The following LCOR variants were observed in gnomAD, a reference collection of about 807,000 sequenced individuals.
LCOR encodes ligand-dependent corepressor.
Under a neutral mutation model 64.4 loss-of-function variants are expected in LCOR, and 14 were observed. That is an observed-to-expected ratio of 0.22 (90% CI 0.14 to 0.34). The LOEUF (loss-of-function observed/expected upper bound fraction) is 0.34. Among genes scored for constraint, LCOR ranks in the 10% least tolerant of loss-of-function variants. The probability of loss-of-function intolerance (pLI) is 1.00; values close to 1 mark genes in which losing one functional copy is unlikely to be tolerated. For missense variants in LCOR, 1,686 were observed against 1,765.3 expected (o/e 0.96, Z 0.80); for synonymous variants, 643 against 642.5 (o/e 1.00, Z -0.01).
chr10:96,972,709 C>G (rs1564643720), intron 7 of LCOR, among the ~76,000 whole-genome samples: 1 of 152,300 alleles, frequency 6.6e-6, no homozygotes, highest in East Asian at 1.9e-4. Flanking sequence ...GAGATCTACT[C>G]TGTCCCTTAT....
At chr10:96,852,425 A>G (rs1162754426) in intron 2 of LCOR, among the ~76,000 whole-genome samples, 1 of 152,194 alleles carries the variant, frequency 6.6e-6, no homozygotes, top group African/African-American at 2.4e-5. Flanking sequence ...TATCTCAAAA[A>G]ACAACAACAA....
In LCOR at chr10:96,870,042, T is replaced by TTTG. The variant is rs544201591; in HGVS notation, c.-330+36587_-330+36589dup. Among the ~76,000 whole-genome samples the TTTG allele has an allele frequency of 8.4e-4, 126 of 150,446 alleles. 1 individual carries two copies. The highest frequency in any genetic ancestry group is 7.1e-3 in the East Asian group (36 of 5,106). On this transcript the variant is annotated intron_variant, in intron 2 of 7. Transcript: ENST00000421806. ...TAAACTTCTAACCATAAGTTCTTTG[T>TTTG]TTGTTGTTGTTGTTGTTGTTGTTGT...
intron 2 of LCOR, among the ~76,000 whole-genome samples, chr10:96,866,720 G>T (rs938589464): frequency 6.6e-6 from 1 of 150,890 alleles, no homozygotes; most frequent in African/African-American, 2.4e-5. Context: ...GATTACAGGC[G>T]CACACTACCA....
chr10:96,907,532 T>C (rs1243989512), intron 3 of LCOR, 136 bp from the exon 4 acceptor site: 1 of 239,624 alleles, frequency 4.2e-6, no homozygotes, highest in African/African-American at 2.3e-5. Context: ...GACTTAAGAA[T>C]TTAAGAGTTA....
At chr10:96,910,257 TAAAAC>T (rs142558560) in intron 4 of LCOR, among the ~76,000 whole-genome samples, 7,288 of 152,304 alleles carry the variant, frequency 0.048, 589 homozygotes, top group African/African-American at 0.16. Context: ...GTGAAGCACT[TAAAAC>T]AACTGTTTTA....
At chr10:96,850,296 T>C (rs561336492) in intron 2 of LCOR, among the ~76,000 whole-genome samples, 10 of 152,180 alleles carry the variant, frequency 6.6e-5, no homozygotes, top group Admixed American at 2.0e-4. Flanking sequence ...ACGCCTGTAA[T>C]CTTCGCACTT....
chr10:96,865,201 G>A (rs148074443), intron 2 of LCOR, among the ~76,000 whole-genome samples: 7 of 151,980 alleles, frequency 4.6e-5, no homozygotes, highest in African/African-American at 9.6e-5. Flanking sequence ...TTATATTTTC[G>A]TCTCACCATT....
Position 96,991,395 on chromosome 10 carries a change from T to G in LCOR, c.*6261T>G, listed in dbSNP as rs868190330. ...TAGTGAAAACTAAAAGTGCAGTCTT[T>G]AAAAGTACAGTCTTCATTTTTATGA... On this transcript the variant is annotated 3_prime_UTR_variant, in exon 8 of 8. Transcript: ENST00000421806. 6.6e-6 allele frequency: 1 copy of G among 152,202 alleles called. No individual in the cohort carries two copies. Among genetic ancestry groups the G allele is most frequent in the Non-Finnish European group, 1.5e-5 (1 of 68,032 alleles). The allele number at this position is 152,202 out of a possible 1,614,324, so 9.4% of individuals were successfully genotyped here. A position where few individuals can be genotyped will look rare whatever the true frequency, so the allele number is the denominator to read the frequency against.
intron 7 of LCOR, among the ~76,000 whole-genome samples, chr10:96,965,916 A>G (rs1847944928): frequency 1.3e-5 from 2 of 152,128 alleles, no homozygotes; most frequent in South Asian, 4.1e-4. Context: ...GAGCCAGGTC[A>G]GTAATAAGAT....
chr10:96,974,213 A>G (rs1589690451), intron 7 of LCOR, among the ~76,000 whole-genome samples: 1 of 152,386 alleles, frequency 6.6e-6, no homozygotes, highest in African/African-American at 2.4e-5. Context: ...ATAGGAAGAC[A>G]GTGGTCAAGG....
At chr10:96,942,574 ATTATT>A (rs1177631888) in intron 4 of LCOR, among the ~76,000 whole-genome samples, 1 of 152,240 alleles carries the variant, frequency 6.6e-6, no homozygotes, top group African/African-American at 2.4e-5. Flanking sequence ...TTTAAGGATC[ATTATT>A]TTAATTTGAA....
chr10:96,855,734 CCTGT>C (rs1845792103), intron 2 of LCOR, among the ~76,000 whole-genome samples: 1 of 150,690 alleles, frequency 6.6e-6, no homozygotes, highest in African/African-American at 2.4e-5. Context: ...CAGTGCCTGG[CCTGT>C]CTAATGCTTT....
At chr10:96,964,517 T>A (rs1452411311) in intron 7 of LCOR, 2 of 152,192 alleles carry the variant, frequency 1.3e-5, no homozygotes, top group African/African-American at 4.8e-5. Context: ...AGTTGGATTG[T>A]ACTCCAACTG....
intron 2 of LCOR, among the ~76,000 whole-genome samples, chr10:96,901,120 C>A (rs1391382208): frequency 6.6e-6 from 1 of 151,828 alleles, no homozygotes; most frequent in Admixed American, 6.6e-5. Context: ...ACCCGGGAGG[C>A]GGAGCTTGCA....
chr10:96,982,009 C>T lies in LCOR; in HGVS notation c.1549C>T (p.Arg517Cys), dbSNP rs1589349395. The change falls in exon 8 of 8, where the codon CGT becomes TGT. Residue 517 changes from arginine (R) to cysteine (C), a missense_variant. Physicochemically the swap from Arg to Cys is radical, Grantham distance 180. Around this residue, in one of 3 missense-constraint regions of LCOR, gnomAD observed 1,293 missense variants for 1,410.4 expected, o/e 0.92. Transcript: ENST00000421806. Reference protein sequence around the residue: ...NGDCCELPTVRTLARNLHSQE... With the variant: ...NGDCCELPTVCTLARNLHSQE... ...TGACTGTTGTGAGCTGCCAACTGTT[C>T]GTACACTGGCCAGAAATTTACACTC... is the stretch of plus-strand genomic sequence containing the variant. The T allele has an allele frequency of 1.4e-5, 23 of 1,613,942 alleles. No individual in the cohort carries two copies. The highest frequency in any genetic ancestry group is 1.9e-5 in the Non-Finnish European group (23 of 1,180,014).
chr10:96,915,228 G>A (rs897250663), intron 4 of LCOR, among the ~76,000 whole-genome samples: 1 of 152,054 alleles, frequency 6.6e-6, no homozygotes, highest in African/African-American at 2.4e-5. Context: ...TTAAAAATAT[G>A]TAAGTAAATA....
At chr10:96,868,343 C>T (rs1325059994) in intron 2 of LCOR, among the ~76,000 whole-genome samples, 2 of 144,186 alleles carry the variant, frequency 1.4e-5, no homozygotes, top group African/African-American at 2.6e-5. Context: ...GGCATGATCT[C>T]AGCTCATTGC....
At chr10:96,856,903 G>A (rs1231026216) in intron 2 of LCOR, among the ~76,000 whole-genome samples, 1 of 151,938 alleles carries the variant, frequency 6.6e-6, no homozygotes, top group Admixed American at 6.6e-5. Flanking sequence ...AATGGGGAAG[G>A]TTTGTTTACC....
intron 7 of LCOR, among the ~76,000 whole-genome samples, chr10:96,965,616 C>T (rs182183931): frequency 0.011 from 1,614 of 140,612 alleles, 20 homozygotes; most frequent in African/African-American, 0.039. Flanking sequence ...GAGCTGAGAT[C>T]GCGCCACTGC....
Sources: gnomAD v4.1 joint callset for allele counts (sites outside exome capture counted in the v4.1 genomes callset) on GRCh38, gnomAD v4.1.1 for gene constraint, gnomAD v4.1.1 regional missense constraint, MANE v1.5 for transcripts, NCBI Gene and HGNC (gene_info 2026-07-23, HGNC 2026-07-21) for gene names.